Variants in VGLL4 observed in about 807,000 individuals in gnomAD.
VGLL4 encodes vestigial like family member 4, also known as transcription cofactor vestigial-like protein 4.
VGLL4 carries 7 observed loss-of-function variants against 21.0 expected under a neutral mutation model. That is an observed-to-expected ratio of 0.33 (90% CI 0.19 to 0.63). The LOEUF (loss-of-function observed/expected upper bound fraction) is 0.63. Ranked by LOEUF, VGLL4 falls within the 20% of genes least tolerant of loss-of-function variation. The pLI is 0.78. For missense variants in VGLL4, 394 were observed against 425.7 expected (o/e 0.93, Z 0.66); for synonymous variants, 222 against 173.2 (o/e 1.28, Z -2.21).
intron 1 of VGLL4, among the ~76,000 whole-genome samples, chr3:11,632,341 C>A (rs1442752917): frequency 6.6e-6 from 1 of 152,022 alleles, no homozygotes; most frequent in Non-Finnish European, 1.5e-5. Flanking sequence ...AAATAAAATT[C>A]ACTGAATTTA....
intron 1 of VGLL4, among the ~76,000 whole-genome samples, chr3:11,609,898 C>T (rs2075023092): frequency 6.6e-6 from 1 of 152,192 alleles, no homozygotes; most frequent in Non-Finnish European, 1.5e-5. Flanking sequence ...CTTGCTGTAA[C>T]TTTTAAGGAT....
At chr3:11,582,886 C>G (rs1191718710) in intron 2 of VGLL4, among the ~76,000 whole-genome samples, 1 of 152,164 alleles carries the variant, frequency 6.6e-6, no homozygotes, top group Non-Finnish European at 1.5e-5. Flanking sequence ...CCAGCAGAAC[C>G]CTAGGTGAGA....
intron 1 of VGLL4, among the ~76,000 whole-genome samples, chr3:11,705,935 A>T (rs1559955515): frequency 6.6e-6 from 1 of 152,132 alleles, no homozygotes; most frequent in East Asian, 1.9e-4. Context: ...AAAAAAAAAA[A>T]AAGATCTTGT....
chr3:11,682,174 C>T (rs1199406787), intron 2 of VGLL4, among the ~76,000 whole-genome samples: 2 of 152,158 alleles, frequency 1.3e-5, no homozygotes, highest in East Asian at 3.9e-4. Flanking sequence ...GAGGCTGAGG[C>T]AGGTGGATCA....
chr3:11,643,967 A>T (rs1180040036), upstream of VGLL4: 54 of 992,162 alleles, frequency 5.4e-5, no homozygotes, highest in Non-Finnish European at 6.4e-5. Flanking sequence ...GAGGCCGAGC[A>T]TGCTCACTGC....
intron 2 of VGLL4, among the ~76,000 whole-genome samples, chr3:11,578,185 CAGT>C (rs1327435922): frequency 6.6e-6 from 1 of 152,212 alleles, no homozygotes; most frequent in Non-Finnish European, 1.5e-5. Flanking sequence ...CCCAAGATGC[CAGT>C]AGGCACTTCC....
Position 11,601,951 on chromosome 3 carries a change from T to C in VGLL4, c.154A>G (p.Thr52Ala), listed in dbSNP as rs376396362. ...CTGGGGCTGATTGGGGGAGGGCCGGTGCGGTGACTGCTGAGGGCAGAGGCC... is the reference window on the plus strand; with the variant it reads ...CTGGGGCTGATTGGGGGAGGGCCGGCGCGGTGACTGCTGAGGGCAGAGGCC... ...PVASALSSHR[T>A]GPPPISPSKR... Residue 52 changes from threonine to alanine, a missense_variant, in exon 2 of 5, where the codon ACC (threonine) becomes GCC (alanine). By Grantham distance (58) the Thr-to-Ala change is moderately conservative. Coordinates refer to ENST00000430365, the MANE Select transcript of VGLL4 (RefSeq NM_001128219.3). 12 of 1,612,868 alleles carry C rather than the reference T, an allele frequency of 7.4e-6. No individual in the cohort carries two copies. The African/African-American group carries it at 1.5e-4, about 20-fold the overall frequency.
chr3:11,562,999 GAGTC>G (rs2073163049), intron 3 of VGLL4, among the ~76,000 whole-genome samples: 4 of 152,276 alleles, frequency 2.6e-5, no homozygotes, highest in Admixed American at 2.6e-4. Context: ...AGGGTAAAGA[GAGTC>G]AGGCCACTCT....
At chr3:11,697,579 G>C (rs1184342392) in intron 2 of VGLL4, among the ~76,000 whole-genome samples, 1 of 145,980 alleles carries the variant, frequency 6.9e-6, no homozygotes, top group Non-Finnish European at 1.5e-5. Flanking sequence ...AAGCCGACCA[G>C]AAGTCACCAT....
chr3:11,654,355 G>C (rs181264114), intron 2 of VGLL4, among the ~76,000 whole-genome samples: 4 of 152,064 alleles, frequency 2.6e-5, no homozygotes, highest in Non-Finnish European at 5.9e-5. Context: ...CTCAGTTCTC[G>C]CGACAATGCG....
At chr3:11,660,474 G>A (rs944804192) in intron 2 of VGLL4, among the ~76,000 whole-genome samples, 4 of 152,188 alleles carry the variant, frequency 2.6e-5, no homozygotes, top group Admixed American at 2.6e-4. Flanking sequence ...CCCAGTGCTA[G>A]CTGTGCTAGC....
At chr3:11,582,220 A>G (rs1212415717) in intron 2 of VGLL4, 3 of 1,548,934 alleles carry the variant, frequency 1.9e-6, no homozygotes, top group Non-Finnish European at 2.6e-6. Flanking sequence ...CTGAAAATAC[A>G]GGGTTGCCAT....
rs753586069 is a variant in VGLL4, at chr3:11,719,240, G to C, written c.-14+1154C>G. Among the ~76,000 whole-genome samples, 1 of 152,188 alleles carries C rather than the reference G, an allele frequency of 6.6e-6. No homozygotes were observed. The highest frequency in any genetic ancestry group is 2.0e-4 in the East Asian group (1 of 5,124). On this transcript the variant is annotated intron_variant, in intron 1 of 5. Transcript: ENST00000273038. This position sits in a 1 kb window ranked among gnomAD's most constrained non-coding sequence, Gnocchi z 4.0. ...CTCCGACTCCCAGGACGTCCTCCGG[G>C]AGCCTAGGCGCTTCCGCTCCCACCG...
intron 1 of VGLL4, among the ~76,000 whole-genome samples, chr3:11,616,985 G>C (rs535247502): frequency 2.4e-4 from 37 of 152,194 alleles, no homozygotes; most frequent in African/African-American, 8.7e-4. Flanking sequence ...TGGTTATGTA[G>C]GTTAATCTAC....
At chr3:11,652,226 A>G (rs1009126796) in intron 2 of VGLL4, among the ~76,000 whole-genome samples, 1 of 152,204 alleles carries the variant, frequency 6.6e-6, no homozygotes, top group Non-Finnish European at 1.5e-5. Flanking sequence ...ACAAAAATAA[A>G]CCTTATTTTA....
intron 2 of VGLL4, among the ~76,000 whole-genome samples, chr3:11,576,454 T>C (rs926610663): frequency 5.9e-5 from 9 of 152,240 alleles, no homozygotes; most frequent in Admixed American, 1.3e-4. Flanking sequence ...AGAGTCCTTG[T>C]ATCACAGAAG....
At chr3:11,687,924 A>G (rs2076475047) in intron 2 of VGLL4, among the ~76,000 whole-genome samples, 1 of 152,138 alleles carries the variant, frequency 6.6e-6, no homozygotes, top group South Asian at 2.1e-4. Context: ...TATTCATTGT[A>G]AGTTTCTATC....
intron 1 of VGLL4, among the ~76,000 whole-genome samples, chr3:11,705,581 T>C (rs1433470145): frequency 6.6e-6 from 1 of 152,346 alleles, no homozygotes; most frequent in East Asian, 1.9e-4. Flanking sequence ...TGTTCAACAA[T>C]GGAGAAAACC....
chr3:11,561,520 T>A (rs2072999885), intron 3 of VGLL4, among the ~76,000 whole-genome samples: 1 of 152,138 alleles, frequency 6.6e-6, no homozygotes, highest in African/African-American at 2.4e-5. Context: ...TGAGCCCTCG[T>A]GGGACTGGCT....
Sources: gnomAD v4.1 joint callset for allele counts (sites outside exome capture counted in the v4.1 genomes callset) on GRCh38, gnomAD v4.1.1 for gene constraint, Gnocchi (gnomAD v3.1) non-coding constraint, MANE v1.5 for transcripts, NCBI Gene and HGNC (gene_info 2026-07-23, HGNC 2026-07-21) for gene names.